SYT14: variants seen among roughly 807,000 people sequenced by gnomAD.
SYT14 encodes synaptotagmin 14.
In SYT14, 32 loss-of-function variants were observed where a neutral mutation model predicts 74.2. The ratio of observed to expected loss-of-function variants is 0.43; its 90% CI spans 0.33 to 0.58. The LOEUF (loss-of-function observed/expected upper bound fraction) is 0.58, where lower values mean the gene tolerates loss of function less well. SYT14 is among the 20% of genes least tolerant of loss of function. The pLI is 0.05. For missense variants in SYT14, 791 were observed against 981.8 expected, an observed-to-expected ratio of 0.81 and a Z score of 2.60; for synonymous variants, 298 against 337.7, an observed-to-expected ratio of 0.88 and a Z score of 1.29.
chr1:210,046,646 C>G (rs1466437498), intron 5 of SYT14, among the ~76,000 whole-genome samples: 1 of 152,122 alleles, frequency 6.6e-6, no homozygotes, highest in Non-Finnish European at 1.5e-5. Flanking sequence ...TGGCTTCTTT[C>G]ACTTAGCATG....
intron 2 of SYT14, among the ~76,000 whole-genome samples, chr1:209,962,170 A>G (rs1284933474): frequency 6.6e-6 from 1 of 152,130 alleles, no homozygotes; most frequent in Admixed American, 6.5e-5. Context: ...TTCTCAGTGT[A>G]TAATTTAGTT....
At chr1:210,094,847 A>C (rs773073331) in intron 6 of SYT14, among the ~76,000 whole-genome samples, 1 of 152,114 alleles carries the variant, frequency 6.6e-6, no homozygotes, top group Non-Finnish European at 1.5e-5. Flanking sequence ...GTTTTTTTTA[A>C]ATACTTTGTA....
intron 2 of SYT14, among the ~76,000 whole-genome samples, chr1:210,007,643 T>A (rs4844938): frequency 0.05 from 7,629 of 152,122 alleles, 1,055 homozygotes; most frequent in East Asian, 0.42. Flanking sequence ...AAATAAAATA[T>A]TTGCACATAA....
At chr1:209,949,922 A>G (rs2078885014) in intron 1 of SYT14, among the ~76,000 whole-genome samples, 2 of 152,196 alleles carry the variant, frequency 1.3e-5, no homozygotes, top group Non-Finnish European at 2.9e-5. Context: ...TAACTTAAAA[A>G]ATTTAAGAGG....
At chr1:210,016,663 T>C (rs2080189894) in exon 4 of SYT14, 2 of 1,231,822 alleles carry the variant, frequency 1.6e-6, no homozygotes, top group African/African-American at 1.5e-5. Context: ...TTGGTACAGA[T>C]AATTGTAAAA....
At chr1:210,155,654 C>T in intron 7 of SYT14, 67 bp from the exon 7 acceptor site, 3 of 1,526,048 alleles carry the variant, frequency 2.0e-6, no homozygotes, top group Non-Finnish European at 1.8e-6. Flanking sequence ...ATAAACATGG[C>T]ATAACAATAT....
intron 5 of SYT14, among the ~76,000 whole-genome samples, chr1:210,093,248 A>G (rs2081908798): frequency 6.6e-6 from 1 of 151,970 alleles, no homozygotes; most frequent in Non-Finnish European, 1.5e-5. Context: ...GTAACTTTTT[A>G]TCTTAGGAAG....
intron 2 of SYT14, among the ~76,000 whole-genome samples, chr1:209,964,030 T>G (rs966027243): frequency 6.6e-6 from 1 of 152,194 alleles, no homozygotes; most frequent in Non-Finnish European, 1.5e-5. Flanking sequence ...GTCAGTGATA[T>G]GGTTTGGCTC....
Position 210,015,683 on chromosome 1 carries a change from G to A in SYT14, c.-320-1G>A, listed in dbSNP as rs1342976349. 1.0e-5 allele frequency: 2 copies of A among 195,792 alleles called. No homozygotes were observed. The highest frequency in any genetic ancestry group is 2.3e-5 in the African/African-American group (1 of 43,016). 12.1% of individuals were successfully genotyped at this position (195,792 alleles called of 1,614,324 possible). ...AATCCTTTTTATACTTCTTTTTTCA[G>A]GTGTAGAATAAAAAACCAATAGTAT... On this transcript the variant is annotated splice_acceptor_variant, in intron 3 of 9. Transcript: ENST00000637265. LOFTEE classifies it low-confidence loss of function (5UTR_SPLICE).
chr1:210,145,948 A>G (rs1180910936), intron 7 of SYT14, among the ~76,000 whole-genome samples: 2 of 152,216 alleles, frequency 1.3e-5, no homozygotes, highest in East Asian at 3.8e-4. Context: ...TCCCTAGTAC[A>G]GTGCTTGTGC....
rs550318662 is a variant in SYT14, at chr1:210,134,570, A to G, written c.2035-21151A>G. Reference sequence around the variant, plus strand: ...CTTAAATCATTTGTAAAACACTTCAACTGTTTACAGAGTGTTTTCACATAC... The same window carrying G: ...CTTAAATCATTTGTAAAACACTTCAGCTGTTTACAGAGTGTTTTCACATAC... On this transcript the variant is annotated intron_variant, in intron 7 of 9. Transcript: ENST00000637265. Among the ~76,000 whole-genome samples the G allele has an allele frequency of 7.9e-5, 12 of 152,256 alleles. No homozygotes were observed. The South Asian group carries it at 2.5e-3, about 32-fold the overall frequency.
chr1:209,973,007 T>G (rs1219470352), intron 2 of SYT14, among the ~76,000 whole-genome samples: 1 of 152,162 alleles, frequency 6.6e-6, no homozygotes, highest in Non-Finnish European at 1.5e-5. Context: ...AAGAATTTGT[T>G]TTATGAATCT....
At chr1:209,963,158 A>G (rs1034419561) in intron 2 of SYT14, among the ~76,000 whole-genome samples, 1 of 152,180 alleles carries the variant, frequency 6.6e-6, no homozygotes, top group Admixed American at 6.5e-5. Context: ...TGATCTAGGC[A>G]TTCTTTTACT....
intron 5 of SYT14, among the ~76,000 whole-genome samples, chr1:210,065,146 C>G (rs2081273695): frequency 1.3e-5 from 2 of 151,996 alleles, no homozygotes; most frequent in Admixed American, 1.3e-4. Flanking sequence ...TATTTTCTTC[C>G]ATTCTGTGGA....
At chr1:209,946,240 G>A (rs1459574991) in intron 1 of SYT14, among the ~76,000 whole-genome samples, 1 of 152,174 alleles carries the variant, frequency 6.6e-6, no homozygotes, top group East Asian at 1.9e-4. Flanking sequence ...AGAGTCACAT[G>A]TCTCTCACTT....
chr1:210,161,598 C>T (rs1473145922), exon 10 of SYT14: 1 of 454,022 alleles, frequency 2.2e-6, no homozygotes, highest in Non-Finnish European at 4.4e-6. Flanking sequence ...CACTTAGGTT[C>T]ATTGTGCCTC....
At chr1:210,092,247 C>G (rs752705320) in intron 5 of SYT14, among the ~76,000 whole-genome samples, 5 of 152,104 alleles carry the variant, frequency 3.3e-5, no homozygotes, top group Non-Finnish European at 5.9e-5. Context: ...AGATACCGGG[C>G]TTTTCATTTT....
At chr1:210,111,222 T>C (rs569021642) in intron 7 of SYT14, among the ~76,000 whole-genome samples, 22 of 152,016 alleles carry the variant, frequency 1.4e-4, no homozygotes, top group African/African-American at 5.1e-4. Context: ...GGCCATTTTA[T>C]AGGATTTGGG....
At chr1:209,966,708 G>A (rs889428237) in intron 2 of SYT14, among the ~76,000 whole-genome samples, 3 of 152,086 alleles carry the variant, frequency 2.0e-5, no homozygotes, top group Admixed American at 6.6e-5. Context: ...AAATGCACTC[G>A]TTCTAGTAGC....
Sources: gnomAD v4.1 joint callset for allele counts (sites outside exome capture counted in the v4.1 genomes callset) on GRCh38, gnomAD v4.1.1 for gene constraint, MANE v1.5 for transcripts, NCBI Gene and HGNC (gene_info 2026-07-23, HGNC 2026-07-21) for gene names.